Variants in PVT1 observed in about 807,000 individuals in gnomAD.
PVT1 encodes the protein CXCR4/PVT1 fusion.
chr8:128,027,451 C>G (rs190636751), intron 4 of PVT1, among the ~76,000 whole-genome samples: 148 of 152,332 alleles, frequency 9.7e-4, no homozygotes, highest in Non-Finnish European at 1.1e-3. Context: ...CCACTCCTAC[C>G]CATGCACTGA....
intron 2 of PVT1, among the ~76,000 whole-genome samples, chr8:127,887,931 GTT>G (rs560976785): frequency 6.0e-5 from 4 of 66,586 alleles, no homozygotes; most frequent in African/African-American, 2.6e-4. Context: ...ACTCTATCTT[GTT>G]TTTTTTTTTT....
Position 127,986,170 on chromosome 8 carries a change from G to A in PVT1, n.783-2992G>A, listed in dbSNP as rs571795618. The stretch of plus-strand genomic sequence containing the variant: ...GGAAGACAATACGGCCCTGCCTCTC[G>A]GCCTGTAGAGAGGAATGGATGATGT... On this transcript the variant is annotated intron_variant and non_coding_transcript_variant, in intron 3 of 10. Transcript: ENST00000651587. Among the ~76,000 whole-genome samples, 6 of 152,226 alleles carry A rather than the reference G, an allele frequency of 3.9e-5. No homozygotes were observed. The South Asian group carries it at 6.2e-4, about 16-fold the overall frequency.
chr8:127,844,328 TG>T (rs1815007044), intron 2 of PVT1, among the ~76,000 whole-genome samples: 1 of 152,150 alleles, frequency 6.6e-6, no homozygotes, highest in South Asian at 2.1e-4. Flanking sequence ...GGGTCTGAAA[TG>T]ACAAGTGTGA....
In PVT1 at chr8:127,861,766, A is replaced by G. The variant is rs114534858; in HGVS notation, n.373-28823A>G. ...GAGGATGAGGTGAAGAAAGTTGTCA[A>G]AGCCCCTCGCTAGTACCAGGCACAG... On this transcript the variant is annotated intron_variant and non_coding_transcript_variant, in intron 2 of 10. Transcript: ENST00000651587. Among the ~76,000 whole-genome samples, 364 of 152,264 alleles carry G rather than the reference A, an allele frequency of 2.4e-3. 1 individual carries two copies. Among genetic ancestry groups the G allele is most frequent in the African/African-American group, 7.6e-3 (317 of 41,552 alleles).
intron 3 of PVT1, among the ~76,000 whole-genome samples, chr8:127,975,557 T>C (rs1211362688): frequency 1.3e-5 from 2 of 152,172 alleles, no homozygotes; most frequent in African/African-American, 4.8e-5. Flanking sequence ...GCTTCAACAT[T>C]GAGCCTTTGT....
At chr8:127,880,885 C>T (rs1815459006) in intron 2 of PVT1, among the ~76,000 whole-genome samples, 3 of 152,246 alleles carry the variant, frequency 2.0e-5, no homozygotes, top group African/African-American at 7.2e-5. Flanking sequence ...AGGCGTGAGC[C>T]ACTGCGCTCA....
intron 2 of PVT1, among the ~76,000 whole-genome samples, chr8:127,887,198 C>T (rs960796749): frequency 6.6e-5 from 10 of 152,152 alleles, no homozygotes; most frequent in Non-Finnish European, 1.3e-4. Flanking sequence ...ATTGTGTTGC[C>T]TTGATCTCTG....
chr8:127,880,806 G>A (rs1314752193), intron 2 of PVT1, among the ~76,000 whole-genome samples: 1 of 151,818 alleles, frequency 6.6e-6, no homozygotes, highest in African/African-American at 2.4e-5. Flanking sequence ...TTGCCATGCT[G>A]GCCAGGCTGG....
At chr8:128,056,683 CA>C (rs1422184403) in intron 4 of PVT1, among the ~76,000 whole-genome samples, 1 of 152,152 alleles carries the variant, frequency 6.6e-6, no homozygotes, top group Non-Finnish European at 1.5e-5. Context: ...TGGGACGCAT[CA>C]GAAGTATATC....
At chr8:128,002,064 A>G (rs1028348137) in intron 4 of PVT1, among the ~76,000 whole-genome samples, 1 of 152,236 alleles carries the variant, frequency 6.6e-6, no homozygotes, top group Non-Finnish European at 1.5e-5. Context: ...AGGCACGTCA[A>G]CAATCTTTCT....
At chr8:128,001,230 C>T (rs1300356828) in intron 4 of PVT1, among the ~76,000 whole-genome samples, 3 of 152,118 alleles carry the variant, frequency 2.0e-5, no homozygotes, top group South Asian at 2.1e-4. Context: ...CTGAGGGGCT[C>T]GCCAGCAGCA....
intron 4 of PVT1, among the ~76,000 whole-genome samples, chr8:128,018,859 T>C (rs1201449548): frequency 6.6e-6 from 1 of 152,186 alleles, no homozygotes; most frequent in Non-Finnish European, 1.5e-5. Flanking sequence ...CCGACAGTGG[T>C]AGGGAAAGGG....
At chr8:128,010,042 A>G (rs550437695) in intron 4 of PVT1, 3 of 152,280 alleles carry the variant, frequency 2.0e-5, no homozygotes, top group Admixed American at 6.5e-5. Context: ...AGAAGTTGCA[A>G]TTCTGCTGAG....
intron 4 of PVT1, among the ~76,000 whole-genome samples, chr8:128,038,494 C>CT (rs768483259): frequency 6.6e-6 from 1 of 152,152 alleles, no homozygotes; most frequent in Non-Finnish European, 1.5e-5. Context: ...GTGATAAGTC[C>CT]TAAGAGGGAG....
intron 3 of PVT1, among the ~76,000 whole-genome samples, chr8:127,983,340 C>T (rs1015940417): frequency 3.3e-5 from 5 of 152,128 alleles, no homozygotes; most frequent in Non-Finnish European, 5.9e-5. Context: ...TAGTTTTCTA[C>T]GTAATAAATC....
chr8:127,931,175 G>A (rs1025409391), intron 3 of PVT1, among the ~76,000 whole-genome samples: 3 of 152,192 alleles, frequency 2.0e-5, no homozygotes, highest in Non-Finnish European at 2.9e-5. Context: ...TAAAGTGCTG[G>A]AATTGCAGGT....
In PVT1 at chr8:128,006,947, G is replaced by C. The variant is rs545649373; in HGVS notation, n.912+17656G>C. 4.6e-5 allele frequency among the ~76,000 whole-genome samples: 7 copies of C among 152,252 alleles called. No homozygotes were observed. In the South Asian group the frequency reaches 1.5e-3, roughly 32 times the overall value. Reference sequence around the variant, plus strand: ...TCTAGGCTCAGTGTACACTTTGCCTGGTCCAGCCCTGGAATCAGCCATTGC... The same window carrying C: ...TCTAGGCTCAGTGTACACTTTGCCTCGTCCAGCCCTGGAATCAGCCATTGC... On this transcript the variant is annotated intron_variant and non_coding_transcript_variant, in intron 4 of 10. Transcript: ENST00000651587.
At chr8:127,921,799 C>T (rs1348641564) in intron 3 of PVT1, among the ~76,000 whole-genome samples, 4 of 131,514 alleles carry the variant, frequency 3.0e-5, no homozygotes, top group African/African-American at 1.1e-4. Context: ...GGTGAGACTG[C>T]GAGACTCTGT....
chr8:127,799,537 G>A (rs1814438177), intron 2 of PVT1, among the ~76,000 whole-genome samples: 2 of 152,248 alleles, frequency 1.3e-5, no homozygotes, highest in Admixed American at 1.3e-4. Context: ...TGCCTGTAGG[G>A]AAAGTATGCT....
Sources: gnomAD v4.1 joint callset for allele counts (sites outside exome capture counted in the v4.1 genomes callset) on GRCh38, gnomAD v4.1.1 for gene constraint, MANE v1.5 for transcripts, NCBI Gene and HGNC (gene_info 2026-07-23, HGNC 2026-07-21) for gene names.